Variants in CDH12 observed in about 807,000 individuals in gnomAD.
CDH12 encodes cadherin 12, also known as cadherin-12.
CDH12 carries 41 observed loss-of-function variants against 74.1 expected under a neutral mutation model. That is an observed-to-expected ratio of 0.55 (90% CI 0.43 to 0.72). CDH12 has a LOEUF of 0.72. Among genes scored for constraint, CDH12 ranks in the 30% least tolerant of loss-of-function variants. The pLI is 0.00. For missense variants in CDH12, 945 were observed against 977.2 expected (o/e 0.97, Z 0.44); for synonymous variants, 399 against 355.0 (o/e 1.12, Z -1.39).
At chr5:22,534,204 A>C (rs1206780665) in intron 1 of CDH12, among the ~76,000 whole-genome samples, 1 of 150,892 alleles carries the variant, frequency 6.6e-6, no homozygotes, top group Non-Finnish European at 1.5e-5. Flanking sequence ...TTTTTTTTTA[A>C]TTTTTTTATT....
At chr5:22,691,817 G>A (rs1742098169) in intron 1 of CDH12, among the ~76,000 whole-genome samples, 1 of 151,950 alleles carries the variant, frequency 6.6e-6, no homozygotes, top group African/African-American at 2.4e-5. Flanking sequence ...CTTACACACT[G>A]TAAATGTTCA....
intron 1 of CDH12, among the ~76,000 whole-genome samples, chr5:22,511,278 T>C (rs1359463630): frequency 2.0e-5 from 3 of 152,164 alleles, no homozygotes; most frequent in African/African-American, 7.2e-5. Flanking sequence ...ATTAAAATCA[T>C]ATATTTAAAG....
rs59704352 is a variant in CDH12, at chr5:21,872,894, C to CATCT, written c.527-18108_527-18105dup. ...ATATATCAATCACCTACCTATCATC[C>CATCT]ATCTATCTATCTATCTATCTATCTA... On this transcript the variant is annotated intron_variant, in intron 6 of 14. Transcript: ENST00000382254. Among the ~76,000 whole-genome samples the CATCT allele has an allele frequency of 3.2e-3, 475 of 146,850 alleles. 4 individuals are homozygous for CATCT. Among genetic ancestry groups the CATCT allele is most frequent in the African/African-American group, 0.011 (435 of 39,452 alleles).
At chr5:22,587,282 C>A (rs1457350083) in intron 1 of CDH12, among the ~76,000 whole-genome samples, 1 of 152,030 alleles carries the variant, frequency 6.6e-6, no homozygotes, top group Non-Finnish European at 1.5e-5. Context: ...TGGAAAGGTG[C>A]AGAAAGAAGG....
At chr5:22,745,004 G>A (rs949475321) in intron 1 of CDH12, among the ~76,000 whole-genome samples, 3 of 150,876 alleles carry the variant, frequency 2.0e-5, no homozygotes, top group African/African-American at 7.3e-5. Flanking sequence ...TAATTAACTC[G>A]GCTAGCTAAA....
chr5:22,194,763 C>T (rs1258542326), intron 4 of CDH12, among the ~76,000 whole-genome samples: 1 of 152,130 alleles, frequency 6.6e-6, no homozygotes, highest in Non-Finnish European at 1.5e-5. Context: ...TTATTCTTTC[C>T]CTGTAGCTAC....
chr5:21,986,717 G>A (rs533293120), intron 5 of CDH12, among the ~76,000 whole-genome samples: 39 of 152,040 alleles, frequency 2.6e-4, no homozygotes, highest in African/African-American at 7.7e-4. Flanking sequence ...AAATGTATAC[G>A]ATTTAGTCTA....
intron 6 of CDH12, among the ~76,000 whole-genome samples, chr5:21,859,543 C>T (rs1750926168): frequency 1.3e-5 from 2 of 151,886 alleles, no homozygotes; most frequent in African/African-American, 4.8e-5. Context: ...CCAGGATTCA[C>T]CAGTCCAGAA....
At chr5:22,002,671 CTCTT>C (rs995729739) in intron 5 of CDH12, among the ~76,000 whole-genome samples, 7 of 151,916 alleles carry the variant, frequency 4.6e-5, no homozygotes, top group African/African-American at 1.7e-4. Flanking sequence ...ATGTGGGTGA[CTCTT>C]TCAATATAGA....
At chr5:22,080,694 T>C (rs79866724) in intron 4 of CDH12, among the ~76,000 whole-genome samples, 14,907 of 151,910 alleles carry the variant, frequency 0.098, 929 homozygotes, top group South Asian at 0.15. Flanking sequence ...GAAGGTATCT[T>C]TTTTTTTATC....
intron 6 of CDH12, among the ~76,000 whole-genome samples, chr5:21,922,188 T>C (rs1332652613): frequency 2.0e-5 from 3 of 152,174 alleles, no homozygotes; most frequent in Non-Finnish European, 2.9e-5. Context: ...AACTGAAAAC[T>C]CTTTAGAAGA....
In CDH12 at chr5:22,402,256, G is replaced by A. The variant is rs752923201; in HGVS notation, c.-333+3001C>T. On this transcript the variant is annotated intron_variant, in intron 3 of 14. Coordinates refer to ENST00000382254, the MANE Select transcript of CDH12 (RefSeq NM_004061.5). Reference sequence around the variant, plus strand: ...ACATGAATATTAAGACTATTGTGATGAGCCTCAGAAGGAAGTGAAGAACAC... The same window carrying A: ...ACATGAATATTAAGACTATTGTGATAAGCCTCAGAAGGAAGTGAAGAACAC... 2.2e-4 allele frequency among the ~76,000 whole-genome samples: 34 copies of A among 152,306 alleles called. 1 individual carries two copies. Among genetic ancestry groups the A allele is most frequent in the Non-Finnish European group, 2.5e-4 (17 of 68,028 alleles).
At chr5:22,744,102 C>T (rs1745170292) in intron 1 of CDH12, among the ~76,000 whole-genome samples, 1 of 152,038 alleles carries the variant, frequency 6.6e-6, no homozygotes, top group Non-Finnish European at 1.5e-5. Flanking sequence ...TCTCTATGAT[C>T]AAACCCAAGA....
chr5:22,778,235 T>C (rs1423844665), intron 1 of CDH12, among the ~76,000 whole-genome samples: 1 of 152,238 alleles, frequency 6.6e-6, no homozygotes, highest in Non-Finnish European at 1.5e-5. Flanking sequence ...TAATGTAGTT[T>C]AGGTGTTTCA....
chr5:21,784,279 A>AT (rs200780804), intron 10 of CDH12, among the ~76,000 whole-genome samples: 2 of 152,180 alleles, frequency 1.3e-5, no homozygotes, highest in East Asian at 1.9e-4. Flanking sequence ...ATTATGTGAA[A>AT]TTTTTTTCCA....
intron 8 of CDH12, among the ~76,000 whole-genome samples, chr5:21,832,969 GATATA>G (rs1288324712): frequency 4.9e-5 from 4 of 80,994 alleles, no homozygotes; most frequent in Admixed American, 4.3e-4. Flanking sequence ...TATGATATAT[GATATA>G]ATATATATAA....
chr5:21,883,977 A>G, intron 6 of CDH12: 2 of 1,596,320 alleles, frequency 1.3e-6, no homozygotes, highest in Non-Finnish European at 1.7e-6. Context: ...AGATCAAAAA[A>G]TTGGTATGGA....
intron 4 of CDH12, among the ~76,000 whole-genome samples, chr5:22,202,074 G>T (rs1471382856): frequency 6.6e-6 from 1 of 151,794 alleles, no homozygotes; most frequent in Non-Finnish European, 1.5e-5. Context: ...GTTTTGAGGC[G>T]AGATTAGGGA....
Position 21,975,305 on chromosome 5 carries a change from A to T in CDH12, c.312T>A (p.Ile104=). 2 of 1,597,270 alleles carry T rather than the reference A, an allele frequency of 1.3e-6. No homozygotes were observed. Among genetic ancestry groups the T allele is most frequent in the Non-Finnish European group, 1.7e-6 (2 of 1,179,580 alleles). The change falls in exon 6 of 15, where the codon ATT becomes ATA. Residue 104 remains isoleucine (I), a synonymous_variant. Transcript: ENST00000382254. Reference sequence around the variant, plus strand: ...CATGAATGTCCCCTGTGGTTTCATCAATGGTAAAAACGGTGCCAGCGCCAT... The same window carrying T: ...CATGAATGTCCCCTGTGGTTTCATCTATGGTAAAAACGGTGCCAGCGCCAT... ...SGDGAGTVFT[I]DETTGDIHAI...
Sources: allele counts gnomAD v4.1 joint callset (sites outside exome capture counted in the v4.1 genomes callset), GRCh38; gene constraint gnomAD v4.1.1; transcripts MANE v1.5; gene names NCBI Gene and HGNC (gene_info 2026-07-23, HGNC 2026-07-21).